NTM: variants seen among roughly 807,000 people sequenced by gnomAD.
NTM encodes the protein neurotrimin.
Under a neutral mutation model 42.1 loss-of-function variants are expected in NTM, and 13 were observed. The observed-to-expected ratio is 0.31, with a 90% CI of 0.20 to 0.49. The LOEUF (loss-of-function observed/expected upper bound fraction) is 0.49, where lower values mean the gene tolerates loss of function less well. NTM is among the 20% of genes least tolerant of loss of function. The pLI is 0.99. For synonymous variants in NTM, 187 were observed against 179.2 expected (o/e 1.04, Z -0.35); for missense variants, 373 against 452.8 (o/e 0.82, Z 1.60).
intron 2 of NTM, among the ~76,000 whole-genome samples, chr11:132,130,482 A>G (rs758947857): frequency 6.6e-6 from 1 of 152,196 alleles, no homozygotes; most frequent in Non-Finnish European, 1.5e-5. Flanking sequence ...AATTAATACT[A>G]TCTGGTTCTT....
chr11:131,411,555 G>A (rs1295654038), intron 1 of NTM, among the ~76,000 whole-genome samples: 1 of 147,652 alleles, frequency 6.8e-6, no homozygotes, highest in African/African-American at 2.6e-5. Context: ...GTGTGTGTGT[G>A]TGTGTGTGTG....
intron 2 of NTM, among the ~76,000 whole-genome samples, chr11:132,106,192 A>T (rs2062357577): frequency 6.6e-6 from 1 of 152,242 alleles, no homozygotes; most frequent in African/African-American, 2.4e-5. Context: ...ATTAGTTTGA[A>T]TGTTGAGTTA....
chr11:131,482,642 C>A (rs921491255), intron 1 of NTM, among the ~76,000 whole-genome samples: 6 of 152,162 alleles, frequency 3.9e-5, no homozygotes, highest in African/African-American at 1.4e-4. Flanking sequence ...CTATTTTTGT[C>A]CACTCTGTTT....
intron 2 of NTM, among the ~76,000 whole-genome samples, chr11:132,082,437 T>C (rs1394758618): frequency 2.0e-5 from 3 of 152,186 alleles, no homozygotes; most frequent in African/African-American, 4.8e-5. Flanking sequence ...TCCCCCGGTA[T>C]GCATGCAGGT....
chr11:132,293,057 A>G (rs556041448), intron 4 of NTM, among the ~76,000 whole-genome samples: 50 of 152,226 alleles, frequency 3.3e-4, no homozygotes, highest in African/African-American at 1.2e-3. Context: ...CCGGTTTTTG[A>G]CGGATTGTAC....
At chr11:131,461,389 C>A (rs145569702) in intron 1 of NTM, among the ~76,000 whole-genome samples, 2 of 152,270 alleles carry the variant, frequency 1.3e-5, no homozygotes, top group African/African-American at 4.8e-5. Flanking sequence ...CGATATTTAA[C>A]AATTTTGAGT....
At chr11:131,376,073 G>T (rs1285426274) in intron 1 of NTM, among the ~76,000 whole-genome samples, 1 of 152,132 alleles carries the variant, frequency 6.6e-6, no homozygotes, top group East Asian at 1.9e-4. Flanking sequence ...GCTGGCAGGG[G>T]TTGCTCTGCT....
chr11:131,500,567 ATATATATATATTTTTTT>A (rs1183601515), intron 1 of NTM, among the ~76,000 whole-genome samples: 2 of 27,102 alleles, frequency 7.4e-5, no homozygotes, highest in African/African-American at 5.5e-4. Flanking sequence ...ATATATATAT[ATATATATATATTTTTTT>A]TTTTTTTTTT....
intron 1 of NTM, among the ~76,000 whole-genome samples, chr11:131,682,807 C>G (rs375397278): frequency 6.6e-5 from 10 of 152,190 alleles, no homozygotes; most frequent in African/African-American, 2.4e-4. Context: ...TCCTGGAGGC[C>G]CAAGAGAGGG....
At chr11:132,277,639 T>C (rs976243314) in intron 4 of NTM, among the ~76,000 whole-genome samples, 2 of 152,226 alleles carry the variant, frequency 1.3e-5, no homozygotes, top group African/African-American at 4.8e-5. Flanking sequence ...GATGCCATAA[T>C]TATATTTGAT....
intron 3 of NTM, among the ~76,000 whole-genome samples, chr11:132,155,576 G>C (rs2073011267): frequency 6.7e-6 from 1 of 148,738 alleles, no homozygotes; most frequent in Admixed American, 6.6e-5. Flanking sequence ...TTCTGACCTG[G>C]TGCTCTTCCT....
chr11:131,399,152 A>C (rs1191048851), intron 1 of NTM, among the ~76,000 whole-genome samples: 1 of 151,878 alleles, frequency 6.6e-6, no homozygotes, highest in Admixed American at 6.6e-5. Context: ...CGCACCCCAA[A>C]CTCAGGTCCA....
At chr11:131,987,384 CTATTCTATTCTA>C (rs1565889515) in intron 2 of NTM, among the ~76,000 whole-genome samples, 7 of 39,602 alleles carry the variant, frequency 1.8e-4, no homozygotes, top group African/African-American at 3.4e-4. Flanking sequence ...TCCTCCTATT[CTATTCTATTCTA>C]TTCTATTCTA....
chr11:131,498,225 C>G (rs1405978124), intron 1 of NTM, among the ~76,000 whole-genome samples: 1 of 152,190 alleles, frequency 6.6e-6, no homozygotes, highest in Non-Finnish European at 1.5e-5. Context: ...GACCCAAGTT[C>G]AAACTCTGGC....
At chr11:132,176,330 T>A (rs2076799949) in intron 3 of NTM, among the ~76,000 whole-genome samples, 2 of 150,446 alleles carry the variant, frequency 1.3e-5, no homozygotes, top group Admixed American at 6.7e-5. Flanking sequence ...GTTTGGTCAA[T>A]TATGGATATA....
chr11:131,701,446 TAGAAGCAACTGGGCATGGTAG>T (rs2135176309), intron 1 of NTM, among the ~76,000 whole-genome samples: 1 of 152,242 alleles, frequency 6.6e-6, no homozygotes, highest in East Asian at 1.9e-4. Flanking sequence ...TTGGCTGCCC[TAGAAGCAACTGGGCATGGTAG>T]ATGGGCAAAA....
intron 1 of NTM, among the ~76,000 whole-genome samples, chr11:131,458,704 ATTTTGAGAGTAGTTACCAAT>A (rs2136096620): frequency 6.6e-6 from 1 of 152,336 alleles, no homozygotes; most frequent in South Asian, 2.1e-4. Context: ...GCTGAATTAA[ATTTTGAGAGTAGTTACCAAT>A]CTCAGGCCAC....
At chr11:132,256,991 C>G (rs559180177) in intron 4 of NTM, among the ~76,000 whole-genome samples, 4 of 152,292 alleles carry the variant, frequency 2.6e-5, no homozygotes, top group South Asian at 2.1e-4. Context: ...CATCTGTCAC[C>G]GCGCCCCATC....
chr11:131,554,245 G>T (rs2055090210), intron 1 of NTM, among the ~76,000 whole-genome samples: 1 of 152,166 alleles, frequency 6.6e-6, no homozygotes. Flanking sequence ...CTAGGACAAT[G>T]CTTGGCCCAA....
Sources: gnomAD v4.1 joint callset for allele counts (sites outside exome capture counted in the v4.1 genomes callset) on GRCh38, gnomAD v4.1.1 for gene constraint, MANE v1.5 for transcripts, NCBI Gene and HGNC (gene_info 2026-07-23, HGNC 2026-07-21) for gene names.